CPSF3: variants seen among roughly 807,000 people sequenced by gnomAD.
The protein encoded by CPSF3 is cleavage and polyadenylation specific factor 3, also known as cleavage and polyadenylation specificity factor subunit 3.
Under a neutral mutation model 84.1 loss-of-function variants are expected in CPSF3, and 57 were observed. That is an observed-to-expected ratio of 0.68 (90% CI 0.55 to 0.85). The LOEUF (loss-of-function observed/expected upper bound fraction) is 0.85. Among genes scored for constraint, CPSF3 ranks in the 40% least tolerant of loss-of-function variants. The pLI, the probability that CPSF3 is intolerant of heterozygous loss-of-function variation, is 0.00. For synonymous variants in CPSF3, 275 were observed against 278.1 expected (o/e 0.99, Z 0.11); for missense variants, 522 against 838.8 (o/e 0.62, Z 4.66).
At chr2:9,444,206 T>A (rs1184541761) in intron 10 of CPSF3, among the ~76,000 whole-genome samples, 1 of 147,840 alleles carries the variant, frequency 6.8e-6, no homozygotes, top group Non-Finnish European at 1.5e-5. Context: ...CCAGGCTGAC[T>A]GCAACTCCGC....
At chr2:9,426,915 G>A (rs1680415064) in intron 1 of CPSF3, among the ~76,000 whole-genome samples, 1 of 151,798 alleles carries the variant, frequency 6.6e-6, no homozygotes, top group African/African-American at 2.4e-5. Flanking sequence ...TGAGCAGCAA[G>A]GACAGTTTCA....
chr2:9,441,793 T>G (rs748432658), intron 8 of CPSF3, 25 bp from the exon 9 acceptor site: 1 of 1,611,320 alleles, frequency 6.2e-7, no homozygotes, highest in African/African-American at 1.3e-5. Context: ...CTAACATACT[T>G]TTCCCATTCT....
chr2:9,461,600 G>A (rs1282456198), intron 15 of CPSF3, among the ~76,000 whole-genome samples: 1 of 151,844 alleles, frequency 6.6e-6, no homozygotes, highest in Non-Finnish European at 1.5e-5. Flanking sequence ...AAACCGGGGG[G>A]CGGAGGTTGC....
intron 11 of CPSF3, among the ~76,000 whole-genome samples, chr2:9,448,581 G>A (rs996576244): frequency 6.6e-5 from 10 of 151,748 alleles, no homozygotes; most frequent in Non-Finnish European, 1.2e-4. Flanking sequence ...TGTGTGAGAC[G>A]GAGTCTCGCT....
In CPSF3 at chr2:9,455,451, A is replaced by G. The variant is rs188227464; in HGVS notation, c.1505-208A>G. 1.9e-3 allele frequency among the ~76,000 whole-genome samples: 283 copies of G among 152,230 alleles called. 1 individual carries two copies. The highest frequency in any genetic ancestry group is 6.5e-3 in the African/African-American group (271 of 41,542). The stretch of plus-strand genomic sequence containing the variant: ...GCCTGGCCATAAGGTGCTTTCTTAC[A>G]GCTGGAGCAGAAGTTAACTGAAGGG... On this transcript the variant is annotated intron_variant, in intron 12 of 17. Coordinates refer to ENST00000238112, the MANE Select transcript of CPSF3 (RefSeq NM_016207.4).
At chr2:9,469,138 C>A (rs1373442845) in intron 16 of CPSF3, among the ~76,000 whole-genome samples, 1 of 152,216 alleles carries the variant, frequency 6.6e-6, no homozygotes, top group Non-Finnish European at 1.5e-5. Flanking sequence ...GTTCCCACCC[C>A]TGGAGCCTCT....
At chr2:9,432,474 CTCTT>C in intron 4 of CPSF3, 33 bp from the exon 5 acceptor site, 1 of 1,396,296 alleles carries the variant, frequency 7.2e-7, no homozygotes, top group Non-Finnish European at 9.5e-7. Context: ...AAAAATCTGA[CTCTT>C]AATTGTTTTT....
chr2:9,454,690 G>A (rs1346575988), intron 12 of CPSF3, among the ~76,000 whole-genome samples: 4 of 151,604 alleles, frequency 2.6e-5, no homozygotes, highest in East Asian at 2.0e-4. Context: ...GACTACAGGC[G>A]CCTGCCACCA....
chr2:9,430,584 TG>T (rs1680550503), intron 3 of CPSF3, among the ~76,000 whole-genome samples, 167 bp from the exon 4 acceptor site: 1 of 152,246 alleles, frequency 6.6e-6, no homozygotes, highest in Non-Finnish European at 1.5e-5. Context: ...ATTTTAGAAC[TG>T]TATGCATTAC....
chr2:9,472,110 T>G (rs1170858414), intron 17 of CPSF3, among the ~76,000 whole-genome samples: 1 of 150,900 alleles, frequency 6.6e-6, no homozygotes, highest in Non-Finnish European at 1.5e-5. Context: ...GGTCAAGAGT[T>G]TGAGACCAGC....
intron 3 of CPSF3, among the ~76,000 whole-genome samples, chr2:9,430,538 G>A (rs1343530377): frequency 6.6e-6 from 1 of 152,096 alleles, no homozygotes; most frequent in Non-Finnish European, 1.5e-5. Flanking sequence ...AAAGTTTTTT[G>A]CTGTTTAAAA....
rs73158023 is a variant in CPSF3, at chr2:9,464,355, T to C, written c.1787-3352T>C. On this transcript the variant is annotated intron_variant, in intron 15 of 17. Transcript: ENST00000238112. ...TAATGCAGGAATTTGCAAATATATA[T>C]ATACATATATATACACACGTAAACT... Among the ~76,000 whole-genome samples, 725 of 152,134 alleles carry C rather than the reference T, an allele frequency of 4.8e-3. 4 individuals carry two copies. The highest frequency in any genetic ancestry group is 0.017 in the African/African-American group (697 of 41,498).
At chr2:9,433,359 T>G (rs1169472463) in intron 5 of CPSF3, among the ~76,000 whole-genome samples, 1 of 152,224 alleles carries the variant, frequency 6.6e-6, no homozygotes, top group Non-Finnish European at 1.5e-5. Flanking sequence ...CGTCCTAAAT[T>G]TTTCACAGCT....
Position 9,440,571 on chromosome 2 carries a change from G to A in CPSF3, c.841G>A (p.Val281Met). 1 of 1,614,004 alleles carries A rather than the reference G, an allele frequency of 6.2e-7. No individual in the cohort carries two copies. Among genetic ancestry groups the A allele is most frequent in the Non-Finnish European group, 8.5e-7 (1 of 1,179,876 alleles). ...ATCTTTGGCCAAGAAGTGTATGGCA[G>A]TGTACCAGACATATGTAAATGCCAT... ...ASSLAKKCMA[V>M]YQTYVNAMND... The change falls in exon 8 of 18, where the codon GTG (valine) becomes ATG (methionine). Residue 281 changes from valine (V) to methionine (M), a missense_variant. This residue lies in a region of CPSF3 where 329 missense variants were observed against 607.2 expected (regional missense o/e 0.54). Coordinates refer to ENST00000238112, the MANE Select transcript of CPSF3 (RefSeq NM_016207.4).
At chr2:9,440,818 C>A in intron 8 of CPSF3, 152 bp downstream of exon 8, 1 of 701,332 alleles carries the variant, frequency 1.4e-6, no homozygotes, top group Non-Finnish European at 2.3e-6. Context: ...GAGTTTGAGA[C>A]CGGCCTGGGC....
chr2:9,450,464 A>G (rs1363832243), intron 11 of CPSF3, among the ~76,000 whole-genome samples: 1 of 151,854 alleles, frequency 6.6e-6, no homozygotes, highest in Non-Finnish European at 1.5e-5. Context: ...CTGAGGCTCA[A>G]ACTTTTAATG....
intron 11 of CPSF3, among the ~76,000 whole-genome samples, chr2:9,449,200 A>G (rs1204802441): frequency 1.3e-5 from 2 of 151,394 alleles, no homozygotes; most frequent in Non-Finnish European, 2.9e-5. Context: ...CCAACATGGT[A>G]AAACCCCGGC....
chr2:9,448,326 C>A lies in CPSF3; in HGVS notation c.1371C>A (p.Asn457Lys). ...NPRNTEAVTL[N>K]FRGEKLAKVM... ...GGAATACAGAAGCAGTGACCTTAAA[C>A]TTCAGAGGAGAAAAACTAGCCAAGG... The change falls in exon 11 of 18, where the codon AAC (asparagine) becomes AAA (lysine). Residue 457 changes from asparagine to lysine, a missense_variant. By Grantham distance (94) the Asn-to-Lys change is moderately conservative. Around this residue, in one of 2 missense-constraint regions of CPSF3, gnomAD observed 329 missense variants for 607.2 expected, o/e 0.54. Transcript: ENST00000238112. The A allele has an allele frequency of 6.2e-7, 1 of 1,612,506 alleles. No individual in the cohort carries two copies. The highest frequency in any genetic ancestry group is 1.1e-5 in the South Asian group (1 of 90,562).
rs191155832 is a variant in CPSF3 at position 9,432,393 on chromosome 2, T to A, written c.342-118T>A. ...TGAGAAATTTTAAATACATGATTCA[T>A]ACAGTATATTTTAAAGAAATATCTT... On this transcript the variant is annotated intron_variant, in intron 4 of 17. Transcript: ENST00000238112. 2.4e-4 allele frequency: 154 copies of A among 652,670 alleles called. 1 individual carries two copies. The highest frequency in any genetic ancestry group is 1.7e-3 in the Middle Eastern group (4 of 2,308). The allele number at this position is 652,670 out of a possible 1,614,324, so 40.4% of individuals were successfully genotyped here.
Sources: gnomAD v4.1 joint callset for allele counts (sites outside exome capture counted in the v4.1 genomes callset) on GRCh38, gnomAD v4.1.1 for gene constraint, gnomAD v4.1.1 regional missense constraint, MANE v1.5 for transcripts, NCBI Gene and HGNC (gene_info 2026-07-23, HGNC 2026-07-21) for gene names.